The following KCNG2 variants were observed in gnomAD, a reference collection of about 807,000 sequenced individuals.
The protein encoded by KCNG2 is potassium voltage-gated channel modifier subfamily G member 2, also known as voltage-gated potassium channel regulatory subunit KCNG2.
KCNG2 carries 7 observed loss-of-function variants against 12.3 expected under a neutral mutation model. The ratio of observed to expected loss-of-function variants is 0.57; its 90% CI spans 0.32 to 1.07. KCNG2 has a LOEUF of 1.07. Ranked by LOEUF, KCNG2 falls within the 50% of genes least tolerant of loss-of-function variation. KCNG2 has a pLI of 0.04. For missense variants in KCNG2, 703 were observed against 726.0 expected, an observed-to-expected ratio of 0.97 and a Z score of 0.36; for synonymous variants, 414 against 351.4, an observed-to-expected ratio of 1.18 and a Z score of -1.99.
In KCNG2 at chr18:79,899,365, G is replaced by A. The variant is rs772194814; in HGVS notation, c.950G>A (p.Arg317His). ...CGTTCGCTGGGCCTGACCATGCGCC[G>A]CTGCGCGCGCGAGTTCGGGCTGCTG... ...GLRSLGLTMR[R>H]CAREFGLLLL... Residue 317 changes from arginine to histidine, a missense_variant, in exon 4 of 4, where the codon CGC becomes CAC. Transcript: ENST00000316249. 24 of 1,554,368 alleles carry A rather than the reference G, an allele frequency of 1.5e-5. No individual in the cohort carries two copies. The highest frequency in any genetic ancestry group is 2.3e-5 in the South Asian group (2 of 85,660).
chr18:79,834,965 A>G lies in KCNG2; in HGVS notation c.-114-21414A>G, dbSNP rs546279582. On this transcript the variant is annotated intron_variant, in intron 1 of 3. Coordinates refer to ENST00000316249, the MANE Select transcript of KCNG2 (RefSeq NM_012283.2). ...GTTTATACTGAGTCTGTCTAACAGA[A>G]CCGTCTGTGCCACCCACACCCATGG... Among the ~76,000 whole-genome samples, 5 of 152,294 alleles carry G rather than the reference A, an allele frequency of 3.3e-5. No individual in the cohort carries two copies. The East Asian group carries it at 9.7e-4, about 29-fold the overall frequency.
chr18:79,842,598 T>C (rs570850392), intron 1 of KCNG2, among the ~76,000 whole-genome samples: 3 of 152,130 alleles, frequency 2.0e-5, no homozygotes, highest in South Asian at 4.2e-4. Context: ...AGAACACCAA[T>C]AGACAACTAA....
At chr18:79,821,339 G>A (rs976644426) in intron 1 of KCNG2, among the ~76,000 whole-genome samples, 3 of 145,994 alleles carry the variant, frequency 2.1e-5, no homozygotes, top group Non-Finnish European at 1.5e-5. Context: ...ACCCAGGCTG[G>A]AGCACAGTGG....
At chr18:79,832,722 C>T (rs191078225) in intron 1 of KCNG2, among the ~76,000 whole-genome samples, 8 of 152,342 alleles carry the variant, frequency 5.3e-5, no homozygotes, top group Admixed American at 3.3e-4. Flanking sequence ...TCAGGACCCT[C>T]GGGCCACAGA....
intron 1 of KCNG2, among the ~76,000 whole-genome samples, chr18:79,809,287 A>G (rs486760): frequency 0.011 from 421 of 39,080 alleles, 9 homozygotes; most frequent in Non-Finnish European, 0.013. Context: ...CCGGGGACAC[A>G]CTGACCACAC....
At chr18:79,826,704 G>A (rs1978286394) in intron 1 of KCNG2, among the ~76,000 whole-genome samples, 1 of 140,142 alleles carries the variant, frequency 7.1e-6, no homozygotes, top group Non-Finnish European at 1.5e-5. Context: ...CGGAAGGTTA[G>A]TTCGGCGCGT....
chr18:79,895,325 A>G (rs80303539), intron 3 of KCNG2, among the ~76,000 whole-genome samples: 1,778 of 151,096 alleles, frequency 0.012, 23 homozygotes, highest in Non-Finnish European at 0.02. Context: ...TAATGTTACA[A>G]TTCATATAGT....
chr18:79,846,439 G>C (rs568223526), intron 1 of KCNG2, among the ~76,000 whole-genome samples: 2 of 139,652 alleles, frequency 1.4e-5, no homozygotes, highest in South Asian at 4.7e-4. Flanking sequence ...GAAAATAAAA[G>C]TATTTCAAAT....
intron 1 of KCNG2, among the ~76,000 whole-genome samples, chr18:79,810,335 C>T (rs2087485291): frequency 6.6e-6 from 1 of 152,110 alleles, no homozygotes; most frequent in Admixed American, 6.5e-5. Flanking sequence ...GGGGAAGCAC[C>T]ACGCCTAGTC....
chr18:79,819,134 C>T (rs977615832), intron 1 of KCNG2, among the ~76,000 whole-genome samples: 1 of 152,220 alleles, frequency 6.6e-6, no homozygotes, highest in Admixed American at 6.5e-5. Context: ...AGCAGCTCCA[C>T]GGTAGCTATG....
Position 79,803,399 on chromosome 18 carries a change from C to T in KCNG2, c.-115+5385C>T, listed in dbSNP as rs183585194. 5.9e-4 allele frequency among the ~76,000 whole-genome samples: 90 copies of T among 152,316 alleles called. 1 individual carries two copies. Among genetic ancestry groups the T allele is most frequent in the African/African-American group, 2.2e-3 (90 of 41,570 alleles). ...GAACAAATTTCCTTGATTTAATTTT[C>T]CCTTGTTTTCTGCCAAAAGAAAAGA... On this transcript the variant is annotated intron_variant, in intron 1 of 3. Transcript: ENST00000316249. The surrounding 1 kb of genome is among the most constrained non-coding windows in gnomAD (Gnocchi z 4.5).
At position 79,899,323 on chromosome 18, in the gene KCNG2, G is replaced by A. The variant is rs1345067306; in HGVS notation, c.908G>A (p.Arg303His). The A allele has an allele frequency of 3.2e-6, 5 of 1,550,038 alleles. No homozygotes were observed. Among genetic ancestry groups the A allele is most frequent in the Admixed American group, 2.0e-5 (1 of 50,730 alleles). ...GTGCTCTACGTGATGCGCCTGGCGC[G>A]CCACTCGCTGGGGCTGCGTTCGCTG... Reference protein sequence around the residue: ...LRVLYVMRLARHSLGLRSLGL... With the variant: ...LRVLYVMRLAHHSLGLRSLGL... The change falls in exon 4 of 4, where the codon CGC (arginine) becomes CAC (histidine). Residue 303 changes from arginine (R) to histidine (H), a missense_variant. Transcript: ENST00000316249.
rs1162742507 is a variant in KCNG2, at chr18:79,872,280, G to GTTTTTTTTTTTTTTTTTTTTTT, written c.624+7991_624+8012dup. Among the ~76,000 whole-genome samples, 23 of 73,414 alleles carry GTTTTTTTTTTTTTTTTTTTTTT rather than the reference G, an allele frequency of 3.1e-4. 2 individuals carry two copies. The highest frequency in any genetic ancestry group is 1.1e-3 in the African/African-American group (21 of 19,070). The allele number at this position is 73,414 out of a possible 152,430, so 48.2% of individuals were successfully genotyped here. A position where few individuals can be genotyped will look rare whatever the true frequency, so the allele number is the denominator to read the frequency against. On this transcript the variant is annotated intron_variant, in intron 3 of 3. Coordinates refer to ENST00000316249, the MANE Select transcript of KCNG2 (RefSeq NM_012283.2). Reference sequence around the variant, plus strand: ...CTGATATAAAAGCTTCAAAGCTTCAGTTTTTTTTTTTTTTTTTTTTTTTGA... The same window carrying GTTTTTTTTTTTTTTTTTTTTTT: ...CTGATATAAAAGCTTCAAAGCTTCAGTTTTTTTTTTTTTTTTTTTTTTTTTTTTTTTTTTTTTTTTTTTTTGA...
chr18:79,889,747 G>A (rs971704895), intron 3 of KCNG2, among the ~76,000 whole-genome samples: 4 of 152,188 alleles, frequency 2.6e-5, no homozygotes, highest in African/African-American at 9.7e-5. Context: ...CTGCCTGATC[G>A]TCCTGGCTGG....
At chr18:79,852,143 G>A (rs1330947472) in intron 1 of KCNG2, among the ~76,000 whole-genome samples, 1 of 152,132 alleles carries the variant, frequency 6.6e-6, no homozygotes, top group Non-Finnish European at 1.5e-5. Flanking sequence ...GGAATTGGGG[G>A]GATGGCAAGC....
In KCNG2 at chr18:79,871,353, C is replaced by T. The variant is rs569605840; in HGVS notation, c.624+7062C>T. Reference sequence around the variant, plus strand: ...GGATGGACATAGGGTGTGGACAGGACGTGGGGTGTGGCCTGTCCCTACAGC... The same window carrying T: ...GGATGGACATAGGGTGTGGACAGGATGTGGGGTGTGGCCTGTCCCTACAGC... On this transcript the variant is annotated intron_variant, in intron 3 of 3. Coordinates refer to ENST00000316249, the MANE Select transcript of KCNG2 (RefSeq NM_012283.2). Among the ~76,000 whole-genome samples the T allele has an allele frequency of 1.8e-4, 27 of 152,316 alleles. No homozygotes were observed. In the South Asian group the frequency reaches 5.0e-3, roughly 28 times the overall value.
At chr18:79,831,716 G>A (rs965728931) in intron 1 of KCNG2, among the ~76,000 whole-genome samples, 1 of 65,698 alleles carries the variant, frequency 1.5e-5, no homozygotes, top group African/African-American at 5.9e-5. Context: ...GGTTCCCTGC[G>A]GACAGAGCCT....
chr18:79,826,544 A>C (rs1393763838), intron 1 of KCNG2, among the ~76,000 whole-genome samples: 5 of 145,502 alleles, frequency 3.4e-5, no homozygotes, highest in African/African-American at 1.3e-4. Flanking sequence ...CAGTGAAAGA[A>C]CTGAGTGAGC....
chr18:79,858,280 G>C (rs1294122745), intron 2 of KCNG2, among the ~76,000 whole-genome samples: 5 of 152,240 alleles, frequency 3.3e-5, no homozygotes, highest in Non-Finnish European at 7.3e-5. Flanking sequence ...GGGATTACAG[G>C]CGTGAGCCAC....
Sources: gnomAD v4.1 joint callset for allele counts (sites outside exome capture counted in the v4.1 genomes callset) on GRCh38, gnomAD v4.1.1 for gene constraint, Gnocchi (gnomAD v3.1) non-coding constraint, MANE v1.5 for transcripts, NCBI Gene and HGNC (gene_info 2026-07-23, HGNC 2026-07-21) for gene names.